The following KIF17 variants were observed in gnomAD, a reference collection of about 807,000 sequenced individuals.
KIF17 encodes kinesin family member 17.
Under a neutral mutation model 96.8 loss-of-function variants are expected in KIF17, and 80 were observed. The ratio of observed to expected loss-of-function variants is 0.83; its 90% CI spans 0.69 to 1.00. KIF17 has a LOEUF of 1.00. Among genes scored for constraint, KIF17 ranks in the 50% least tolerant of loss-of-function variants. KIF17 has a pLI of 0.00. For synonymous variants in KIF17, 567 were observed against 587.5 expected (o/e 0.97, Z 0.51); for missense variants, 1,280 against 1,372.9 (o/e 0.93, Z 1.07).
In KIF17 at chr1:20,682,701, C is replaced by T. The variant is rs116203233; in HGVS notation, c.2415G>A (p.Gln805=). 436 of 1,614,000 alleles carry T rather than the reference C, an allele frequency of 2.7e-4. 2 individuals carry two copies. In the African/African-American group the frequency reaches 5.2e-3, roughly 19 times the overall value. ...WVLLNVYDSI[Q]EEVRAKSKLL... is the part of the protein sequence containing the mutation. ...GCTTGCTCTTGGCCCGCACTTCCTC[C>T]TGGATGGAGTCGTAGACGTTAAGCA... The change falls in exon 11 of 15, where the codon CAG becomes CAA. Residue 805 remains glutamine, a synonymous_variant. Transcript: ENST00000400463.
At position 20,704,819 on chromosome 1, in the gene KIF17, C is replaced by T. The variant is rs776643012; in HGVS notation, c.751G>A (p.Gly251Arg). ...TCCTTGAGCCGCTCGCCCGTGGCCC[C>T]GGTCTTGGACTGCCGCTCGCTGCCC... The part of the protein sequence containing the change: ...LAGSERQSKT[G>R]ATGERLKEAT... Residue 251 changes from glycine to arginine, a missense_variant, in exon 5 of 15, where the codon GGG becomes AGG. Transcript: ENST00000400463. This position sits in a 1 kb window ranked among gnomAD's most constrained non-coding sequence, Gnocchi z 6.8. 34 of 1,607,028 alleles carry T rather than the reference C, an allele frequency of 2.1e-5. No individual in the cohort carries two copies. Among genetic ancestry groups the T allele is most frequent in the Admixed American group, 3.3e-5 (2 of 59,974 alleles).
At position 20,700,574 on chromosome 1, in the gene KIF17, G is replaced by C. The variant is rs377502125; in HGVS notation, c.1124-2086C>G. Among the ~76,000 whole-genome samples the C allele has an allele frequency of 2.6e-5, 4 of 152,202 alleles. No individual in the cohort carries two copies. Among genetic ancestry groups the C allele is most frequent in the Non-Finnish European group, 5.9e-5 (4 of 68,042 alleles). ...CAGTGGGATATGTTGGGTTTGAAAT[G>C]CTTATTACACAGCTACAGATTCAAG... On this transcript the variant is annotated intron_variant, in intron 5 of 14. Coordinates refer to ENST00000400463, the MANE Select transcript of KIF17 (RefSeq NM_001122819.3). The surrounding 1 kb of genome is among the most constrained non-coding windows in gnomAD (Gnocchi z 4.6).
chr1:20,682,573 C>A, intron 11 of KIF17, 80 bp downstream of exon 11: 2 of 1,221,554 alleles, frequency 1.6e-6, no homozygotes, highest in Non-Finnish European at 2.4e-6. Context: ...TGGCTTCCTA[C>A]AAGGTGTAGG....
At chr1:20,673,048 AACCCCATCTCT>A (rs2053675784) in intron 11 of KIF17, 1 of 152,140 alleles carries the variant, frequency 6.6e-6, no homozygotes, top group Non-Finnish European at 1.5e-5. Context: ...AACATGGTGA[AACCCCATCTCT>A]ACTAAAAATA....
chr1:20,667,068 A>G (rs886860111), intron 13 of KIF17, among the ~76,000 whole-genome samples: 1 of 152,198 alleles, frequency 6.6e-6, no homozygotes, highest in African/African-American at 2.4e-5. Context: ...ATGCTTTAAG[A>G]CAAGGGTTTC....
chr1:20,679,404 C>G (rs532719053), intron 11 of KIF17, among the ~76,000 whole-genome samples: 1 of 152,218 alleles, frequency 6.6e-6, no homozygotes, highest in East Asian at 1.9e-4. Context: ...TTCTTGAGCC[C>G]AGGAGGTCAA....
intron 14 of KIF17, 78 bp from the exon 15 acceptor site, chr1:20,664,840 G>T: frequency 7.3e-7 from 1 of 1,361,480 alleles, no homozygotes; most frequent in Non-Finnish European, 1.0e-6. Flanking sequence ...GGGTAGGATG[G>T]AGAGCCTGGC....
At position 20,699,830 on chromosome 1, in the gene KIF17, T is replaced by C. The variant is rs777925971; in HGVS notation, c.1124-1342A>G. On this transcript the variant is annotated intron_variant, in intron 5 of 14. Coordinates refer to ENST00000400463, the MANE Select transcript of KIF17 (RefSeq NM_001122819.3). This position sits in a 1 kb window ranked among gnomAD's most constrained non-coding sequence, Gnocchi z 4.3. ...GACAGGTGGAGAAGTCCAAGAGGGA[T>C]AATGCCAGATTGTGACAGCTGTGGA... 6.6e-6 allele frequency among the ~76,000 whole-genome samples: 1 copy of C among 152,116 alleles called. No individual in the cohort carries two copies. Among genetic ancestry groups the C allele is most frequent in the Non-Finnish European group, 1.5e-5 (1 of 68,006 alleles).
At position 20,687,404 on chromosome 1, in the gene KIF17, G is replaced by T. The variant is rs751586466; in HGVS notation, c.1922C>A (p.Pro641His). Residue 641 changes from proline (P) to histidine (H), a missense_variant, in exon 8 of 15, where the codon CCC (proline) becomes CAC (histidine). Physicochemically the swap from Pro to His is moderately conservative, Grantham distance 77. Transcript: ENST00000400463. This position sits in a 1 kb window ranked among gnomAD's most constrained non-coding sequence, Gnocchi z 4.4. ...ATCAGCTACCTGCACAGGGACCTTG[G>T]GGACGTCTGCCTGGGGTGCATCTGT... is the stretch of plus-strand genomic sequence containing the variant. ...ARTDAPQADVPKVPVQVPAPT... is the reference protein window; with the variant it reads ...ARTDAPQADVHKVPVQVPAPT... 1.2e-6 allele frequency: 2 copies of T among 1,613,340 alleles called. No homozygotes were observed. The highest frequency in any genetic ancestry group is 2.2e-5 in the South Asian group (2 of 91,060).
downstream of KIF17, chr1:20,663,966 C>T: frequency 2.5e-5 from 4 of 160,854 alleles, no homozygotes; most frequent in South Asian, 1.7e-4. Flanking sequence ...GCCACAATGG[C>T]AGGGAGGGGC....
chr1:20,663,949 TAGCC>T (rs1277824559), downstream of KIF17: 2 of 159,176 alleles, frequency 1.3e-5, no homozygotes, highest in African/African-American at 4.8e-5. Flanking sequence ...TTCCCTGGAA[TAGCC>T]AGGCCACAAT....
chr1:20,691,751 G>T (rs767676915), intron 6 of KIF17, among the ~76,000 whole-genome samples: 61 of 151,710 alleles, frequency 4.0e-4, no homozygotes, highest in African/African-American at 1.5e-3. Flanking sequence ...TTACAGGCAT[G>T]AGCCACCATG....
chr1:20,713,524 G>T lies in KIF17; in HGVS notation c.410C>A (p.Ala137Asp). The stretch of plus-strand genomic sequence containing the variant: ...TTCATTGTAGATCTCCAGGTAGGAG[G>T]CCCGGACCAGGAACTTAGTGTTCTC... ...CAENTKFLVR[A>D]SYLEIYNEDV... Residue 137 changes from alanine (A) to aspartate (D), a missense_variant, in exon 3 of 15, where the codon GCC (alanine) becomes GAC (aspartate). Physicochemically the swap from Ala to Asp is moderately radical, Grantham distance 126 (BLOSUM62 -2). Coordinates refer to ENST00000400463, the MANE Select transcript of KIF17 (RefSeq NM_001122819.3). 6.2e-7 allele frequency: 1 copy of T among 1,613,060 alleles called. No homozygotes were observed. Among genetic ancestry groups the T allele is most frequent in the South Asian group, 1.1e-5 (1 of 91,030 alleles).
chr1:20,698,109 C>G (rs1346420631), intron 6 of KIF17, among the ~76,000 whole-genome samples: 5 of 152,216 alleles, frequency 3.3e-5, no homozygotes, highest in African/African-American at 1.2e-4. Context: ...CCTGGAGACA[C>G]CTCCACACCC....
At position 20,709,441 on chromosome 1, in the gene KIF17, G is replaced by A. The variant is rs2054397759; in HGVS notation, c.670+198C>T. On this transcript the variant is annotated intron_variant, in intron 4 of 14. Transcript: ENST00000400463. The surrounding 1 kb of genome is among the most constrained non-coding windows in gnomAD (Gnocchi z 4.7). Reference sequence around the variant, plus strand: ...AGTGAGCGCTCAATGTTGGCTCCCAGTGTTACTGTGTTTGCTGCTGTTTAT... The same window carrying A: ...AGTGAGCGCTCAATGTTGGCTCCCAATGTTACTGTGTTTGCTGCTGTTTAT... Among the ~76,000 whole-genome samples the A allele has an allele frequency of 6.6e-6, 1 of 152,188 alleles. No homozygotes were observed. Among genetic ancestry groups the A allele is most frequent in the Non-Finnish European group, 1.5e-5 (1 of 68,034 alleles).
intron 11 of KIF17, among the ~76,000 whole-genome samples, chr1:20,675,846 A>G (rs535070699): frequency 1.3e-5 from 2 of 151,974 alleles, no homozygotes; most frequent in East Asian, 3.9e-4. Flanking sequence ...TTACTTTCAC[A>G]TTTTTTCATT....
chr1:20,681,855 C>T (rs1300087421), intron 11 of KIF17, among the ~76,000 whole-genome samples: 1 of 152,154 alleles, frequency 6.6e-6, no homozygotes, highest in African/African-American at 2.4e-5. Flanking sequence ...GTCCCTGTCC[C>T]CCACCTGTGG....
At chr1:20,682,980 A>G in intron 10 of KIF17, 96 bp from the exon 11 acceptor site, 3 of 1,064,172 alleles carry the variant, frequency 2.8e-6, no homozygotes, top group Non-Finnish European at 4.2e-6. Flanking sequence ...GGCCCCCCAG[A>G]TCCTTCCAAC....
At chr1:20,684,777 G>A (rs756769150) in intron 10 of KIF17, 32 bp downstream of exon 10, 1 of 1,542,080 alleles carries the variant, frequency 6.5e-7, no homozygotes, top group Non-Finnish European at 8.7e-7. Context: ...CCTCACCGTG[G>A]GGTCCCGCCA....
Sources: gnomAD v4.1 joint callset for allele counts (sites outside exome capture counted in the v4.1 genomes callset) on GRCh38, gnomAD v4.1.1 for gene constraint, Gnocchi (gnomAD v3.1) non-coding constraint, MANE v1.5 for transcripts, NCBI Gene and HGNC (gene_info 2026-07-23, HGNC 2026-07-21) for gene names.